The following ABCA6 variants were observed in gnomAD, a reference collection of about 807,000 sequenced individuals.
ABCA6 encodes ATP-binding cassette sub-family A member 6.
In ABCA6, 164 loss-of-function variants were observed where a neutral mutation model predicts 191.2. The ratio of observed to expected loss-of-function variants is 0.86; its 90% confidence interval spans 0.76 to 0.98. The LOEUF (loss-of-function observed/expected upper bound fraction) is 0.98, where lower values mean the gene tolerates loss of function less well. ABCA6 is among the 50% of genes least tolerant of loss of function. ABCA6 has a pLI of 0.00. For missense variants in ABCA6, 1,958 were observed against 1,894.1 expected, an observed-to-expected ratio of 1.03 and a Z score of -0.63; for synonymous variants, 636 against 647.7, an observed-to-expected ratio of 0.98 and a Z score of 0.27.
Position 69,123,327 on chromosome 17 carries a change from C to T in ABCA6, c.1348G>A (p.Val450Ile), listed in dbSNP as rs1289931650. Residue 450 changes from valine (V) to isoleucine (I), a missense_variant, in exon 10 of 39, where the codon GTT (valine) becomes ATT (isoleucine). By Grantham distance (29) the Val-to-Ile change is conservative. Coordinates refer to ENST00000284425, the MANE Select transcript of ABCA6 (RefSeq NM_080284.3). ...TCAGCATCGATTTCTTTCTCAATAA[C>T]CTTAGCATTAGTCCTTTGGTGTTGG... is the stretch of plus-strand genomic sequence containing the variant. Reference protein sequence around the residue: ...CFQHQRTNAKVIEKEIDAEHP... With the variant: ...CFQHQRTNAKIIEKEIDAEHP... 6.3e-7 allele frequency: 1 copy of T among 1,578,924 alleles called. No homozygotes were observed. The highest frequency in any genetic ancestry group is 1.3e-5 in the African/African-American group (1 of 74,178).
intron 10 of ABCA6, among the ~76,000 whole-genome samples, chr17:69,122,196 C>G (rs1598047676): frequency 6.6e-6 from 1 of 151,882 alleles, no homozygotes; most frequent in Non-Finnish European, 1.5e-5. Flanking sequence ...TTTTTGTATT[C>G]TCAAAATGGG....
intron 17 of ABCA6, chr17:69,109,755 T>C (rs144837510): frequency 6.6e-6 from 1 of 152,278 alleles, no homozygotes; most frequent in African/African-American, 2.4e-5. Flanking sequence ...TGTCACTTAG[T>C]AGCCCTCTGG....
intron 4 of ABCA6, chr17:69,135,768 G>C: frequency 2.4e-6 from 1 of 422,882 alleles, no homozygotes; most frequent in Non-Finnish European, 4.2e-6. Flanking sequence ...ACTTTTTCTT[G>C]TACTTGTCAT....
intron 26 of ABCA6, among the ~76,000 whole-genome samples, chr17:69,090,117 A>C (rs182448152): frequency 6.6e-6 from 1 of 152,332 alleles, no homozygotes; most frequent in Admixed American, 6.5e-5. Flanking sequence ...TTAGGAGGAA[A>C]ATGCTTTAAG....
At chr17:69,103,223 T>C (rs1048849021) in intron 20 of ABCA6, among the ~76,000 whole-genome samples, 1 of 152,304 alleles carries the variant, frequency 6.6e-6, no homozygotes, top group South Asian at 2.1e-4. Flanking sequence ...AAGCTAATTC[T>C]ATTGTATGAC....
At position 69,107,708 on chromosome 17, in the gene ABCA6, T is replaced by G; in HGVS notation, c.2377A>C (p.Thr793Pro). Residue 793 changes from threonine (T) to proline (P), a missense_variant, in exon 18 of 39, where the codon ACT (threonine) becomes CCT (proline). Transcript: ENST00000284425. ...EVFMKLEGQSTIEQDFEQVEM... is the reference protein window; with the variant it reads ...EVFMKLEGQSPIEQDFEQVEM... Reference sequence around the variant, plus strand: ...CAAATGGCTTTACCTTGTTCGATAGTTGACTGTCCTTCCAGTTTCATAAAG... The same window carrying G: ...CAAATGGCTTTACCTTGTTCGATAGGTGACTGTCCTTCCAGTTTCATAAAG... The G allele has an allele frequency of 7.5e-6, 12 of 1,604,208 alleles. No individual in the cohort carries two copies. The highest frequency in any genetic ancestry group is 9.4e-6 in the Non-Finnish European group (11 of 1,172,916).
chr17:69,089,285 T>C (rs2072874492), intron 27 of ABCA6, among the ~76,000 whole-genome samples, 180 bp downstream of exon 27: 1 of 152,218 alleles, frequency 6.6e-6, no homozygotes, highest in Non-Finnish European at 1.5e-5. Flanking sequence ...TGGACACATA[T>C]AGCCAATCCA....
intron 26 of ABCA6, 79 bp from the exon 27 acceptor site, chr17:69,089,621 T>G (rs541009296): frequency 8.4e-7 from 1 of 1,190,314 alleles, no homozygotes; most frequent in South Asian, 1.4e-5. Context: ...AATATAAAAT[T>G]CACATATTGA....
chr17:69,088,931 C>A (rs1215290929), intron 27 of ABCA6, among the ~76,000 whole-genome samples: 1 of 152,126 alleles, frequency 6.6e-6, no homozygotes, highest in Non-Finnish European at 1.5e-5. Context: ...CGAAGCCTTT[C>A]CTGACCACCC....
chr17:69,079,016 G>A lies in ABCA6; in HGVS notation c.4811C>T (p.Thr1604Ile), dbSNP rs2072560211. 1.9e-6 allele frequency: 3 copies of A among 1,612,284 alleles called. No homozygotes were observed. The African/African-American group carries it at 4.0e-5, about 22-fold the overall frequency. The change falls in exon 39 of 39, where the codon ACA becomes ATA. Residue 1604 changes from threonine (T) to isoleucine (I), a missense_variant. Transcript: ENST00000284425. ...AGGGAGGAGTTTCCATCTCATTGTT[G>A]TATCAATTTCTTCATCAAAATTTCC... ...EVGNFDEEIDTTMRWKLLPHS... is the reference protein window; with the variant it reads ...EVGNFDEEIDITMRWKLLPHS...
At chr17:69,079,096 A>G (rs771975868) in intron 38 of ABCA6, 22 bp from the exon 39 acceptor site, 2 of 1,579,068 alleles carry the variant, frequency 1.3e-6, no homozygotes, top group South Asian at 2.3e-5. Context: ...ACAAAGAAGA[A>G]GGAAAGAAGG....
rs1042803930 is a variant in ABCA6 at position 69,091,410 on chromosome 17, T to C, written c.3409-148A>G. The stretch of plus-strand genomic sequence containing the variant: ...ATTTGACAATGATAGTTTCTCCTTT[T>C]AGAGACAATAGGGAAGAAGCTTTTG... On this transcript the variant is annotated intron_variant, in intron 25 of 38. Transcript: ENST00000284425. The C allele has an allele frequency of 1.6e-5, 13 of 800,956 alleles. No homozygotes were observed. In the Admixed American group the frequency reaches 3.4e-4, roughly 21 times the overall value. The allele number at this position is 800,956 out of a possible 1,614,324, so 49.6% of individuals were successfully genotyped here. A position where few individuals can be genotyped will look rare whatever the true frequency, so the allele number is the denominator to read the frequency against.
chr17:69,106,133 A>C lies in ABCA6; in HGVS notation c.2468T>G (p.Met823Arg), dbSNP rs1360178226. The change falls in exon 19 of 39, where the codon ATG (methionine) becomes AGG (arginine). Residue 823 changes from methionine (M) to arginine (R), a missense_variant. By Grantham distance (91) the Met-to-Arg change is moderately conservative. Coordinates refer to ENST00000284425, the MANE Select transcript of ABCA6 (RefSeq NM_080284.3). ...GCCCATGTCACTCACAGCTGTCTGC[A>C]TTTCAGAGAAGGAAGAGTGAGCCAG... ...MELAHSSFSE[M>R]QTAVSDMGLW... 1 of 1,613,928 alleles carries C rather than the reference A, an allele frequency of 6.2e-7. No individual in the cohort carries two copies.
At chr17:69,138,541 A>G (rs991951203) in intron 2 of ABCA6, among the ~76,000 whole-genome samples, 51 of 152,002 alleles carry the variant, frequency 3.4e-4, no homozygotes, top group Non-Finnish European at 5.0e-4. Flanking sequence ...TATAGATTCA[A>G]TGCCATCCCC....
At chr17:69,135,869 C>T in intron 4 of ABCA6, 1 of 516,464 alleles carries the variant, frequency 1.9e-6, no homozygotes, top group Non-Finnish European at 3.4e-6. Context: ...TCCTTTGACA[C>T]ATGCATCTGC....
At chr17:69,088,413 G>GT (rs2072854523) in intron 27 of ABCA6, among the ~76,000 whole-genome samples, 155 bp from the exon 28 acceptor site, 1 of 152,130 alleles carries the variant, frequency 6.6e-6, no homozygotes, top group African/African-American at 2.4e-5. Flanking sequence ...CACAATCCAG[G>GT]TTAGTGAAAC....
At chr17:69,084,621 TA>T in intron 32 of ABCA6, 114 bp from the exon 33 acceptor site, 1 of 944,870 alleles carries the variant, frequency 1.1e-6, no homozygotes, top group South Asian at 1.7e-5. Context: ...GTCAAAATCC[TA>T]ACTCATAATT....
rs550977168 is a variant in ABCA6, at chr17:69,089,927, T to G, written c.3529-385A>C. 3.3e-5 allele frequency among the ~76,000 whole-genome samples: 5 copies of G among 152,324 alleles called. No homozygotes were observed. The South Asian group carries it at 1.0e-3, about 32-fold the overall frequency. On this transcript the variant is annotated intron_variant, in intron 26 of 38. Coordinates refer to ENST00000284425, the MANE Select transcript of ABCA6 (RefSeq NM_080284.3). ...GGGGGTTGACAATATTTTTCTTAAG[T>G]GCCACAGACAAGCCTTTTCAGAGCC...
chr17:69,079,030 A>G lies in ABCA6; in HGVS notation c.4797T>C (p.Asp1599=). The G allele has an allele frequency of 6.2e-7, 1 of 1,612,844 alleles. No individual in the cohort carries two copies. The highest frequency in any genetic ancestry group is 8.5e-7 in the Non-Finnish European group (1 of 1,179,398). Reference sequence around the variant, plus strand: ...ATCTCATTGTTGTATCAATTTCTTCATCAAAATTTCCTACTTCCTGTTCTT... The same window carrying G: ...ATCTCATTGTTGTATCAATTTCTTCGTCAAAATTTCCTACTTCCTGTTCTT... ...LSKEQEVGNF[D]EEIDTTMRWK... is the part of the protein sequence containing the mutation. Residue 1599 remains aspartate, a synonymous_variant, in exon 39 of 39, where the codon GAT becomes GAC. Coordinates refer to ENST00000284425, the MANE Select transcript of ABCA6 (RefSeq NM_080284.3).
Sources: allele counts gnomAD v4.1 joint callset (sites outside exome capture counted in the v4.1 genomes callset), GRCh38; gene constraint gnomAD v4.1.1; transcripts MANE v1.5; gene names NCBI Gene and HGNC (gene_info 2026-07-23, HGNC 2026-07-21).